Variants in TCOF1 observed in about 807,000 individuals in gnomAD.
TCOF1 encodes treacle protein.
TCOF1 carries 33 observed loss-of-function variants against 149.0 expected under a neutral mutation model. The ratio of observed to expected loss-of-function variants is 0.22; its 90% confidence interval spans 0.17 to 0.30. The LOEUF is 0.30. Among genes scored for constraint, TCOF1 ranks in the 10% least tolerant of loss-of-function variants. TCOF1 has a pLI of 1.00. For missense variants in TCOF1, 1,728 were observed against 1,840.7 expected (o/e 0.94, Z 1.12); for synonymous variants, 789 against 738.8 (o/e 1.07, Z -1.10).
chr5:150,379,441 A>G (rs779922931), intron 16 of TCOF1, 33 bp downstream of exon 16: 17 of 1,613,978 alleles, frequency 1.1e-5, no homozygotes, highest in Admixed American at 8.3e-5. Flanking sequence ...CATCCCCTAC[A>G]TGGGATGTAA....
Position 150,372,152 on chromosome 5 carries a change from G to A in TCOF1, c.786G>A (p.Arg262=), listed in dbSNP as rs1324538651. 9 of 1,614,192 alleles carry A rather than the reference G, an allele frequency of 5.6e-6. No homozygotes were observed. The highest frequency in any genetic ancestry group is 1.3e-5 in the African/African-American group (1 of 75,054). Residue 262 remains arginine (R), a synonymous_variant, in exon 7 of 27, where the codon AGG becomes AGA. Coordinates refer to ENST00000643257, the MANE Select transcript of TCOF1 (RefSeq NM_001371623.1). ...VKGGALPPAK[R]AKKPEEESES... ...GAGGGGCCCTGCCCCCAGCCAAGAG[G>A]GCCAAGAAGCCAGAAGAGGAGTCAG... is the stretch of plus-strand genomic sequence containing the variant.
Position 150,396,381 on chromosome 5 carries a change from A to C in TCOF1, c.3884A>C (p.Asn1295Thr). 1 of 1,614,022 alleles carries C rather than the reference A, an allele frequency of 6.2e-7. No homozygotes were observed. Among genetic ancestry groups the C allele is most frequent in the Non-Finnish European group, 8.5e-7 (1 of 1,180,040 alleles). The change falls in exon 24 of 27, where the codon AAC becomes ACC. Residue 1295 changes from asparagine to threonine, a missense_variant. Asn to Thr is a moderately conservative substitution (Grantham distance 65). Around this residue, in one of 2 missense-constraint regions of TCOF1, gnomAD observed 1,696 missense variants for 1,765.4 expected, o/e 0.96. Coordinates refer to ENST00000643257, the MANE Select transcript of TCOF1 (RefSeq NM_001371623.1). ...PQASTLALQS[N>T]ITQCLLGQPW... ...GCCTCAACCCTGGCGCTGCAAAGCA[A>C]CATCACCCAGTGCCTCCTGGGCCAA...
intron 26 of TCOF1, among the ~76,000 whole-genome samples, chr5:150,399,300 C>T (rs1363385577): frequency 2.6e-5 from 4 of 152,158 alleles, no homozygotes; most frequent in Admixed American, 6.5e-5. Flanking sequence ...ACCGAGTGCA[C>T]CTGGGTGCAG....
At chr5:150,361,075 T>G in intron 1 of TCOF1, 81 bp from the exon 2 acceptor site, 2 of 1,581,478 alleles carry the variant, frequency 1.3e-6, no homozygotes, top group Non-Finnish European at 1.7e-6. Flanking sequence ...ATACAAGTCA[T>G]GAGTTTGGGG....
intron 22 of TCOF1, 176 bp from the exon 23 acceptor site, chr5:150,393,196 C>A: frequency 1.4e-6 from 1 of 706,884 alleles, no homozygotes; most frequent in Non-Finnish European, 2.4e-6. Flanking sequence ...GTTCAGGAGG[C>A]ACACGCCAAG....
intron 18 of TCOF1, among the ~76,000 whole-genome samples, chr5:150,388,895 A>G (rs536238429): frequency 2.0e-5 from 3 of 152,296 alleles, no homozygotes; most frequent in South Asian, 4.1e-4. Context: ...GTGCCACAGC[A>G]CTCCAGCCTG....
chr5:150,392,469 A>C, intron 21 of TCOF1: 2 of 610,098 alleles, frequency 3.3e-6, no homozygotes, highest in South Asian at 4.0e-5. Flanking sequence ...GGGAAATAGA[A>C]ATGGGGCCTC....
chr5:150,368,295 T>C (rs1446364664), intron 4 of TCOF1: 3 of 350,912 alleles, frequency 8.5e-6, no homozygotes, highest in Non-Finnish European at 1.6e-5. Context: ...GTTCTGAAAC[T>C]CTAAAAGCAT....
At position 150,390,050 on chromosome 5, in the gene TCOF1, G is replaced by A. The variant is rs768461151; in HGVS notation, c.3183+27G>A. 9 of 1,585,448 alleles carry A rather than the reference G, an allele frequency of 5.7e-6. No individual in the cohort carries two copies. In the Admixed American group the frequency reaches 1.3e-4, roughly 22 times the overall value. ...TACCTGGTGGGCAAGGGAGGGTAAT[G>A]CAGGCCAGTGGGGTGGGGCCCTACT... On this transcript the variant is annotated intron_variant, in intron 19 of 26. Coordinates refer to ENST00000643257, the MANE Select transcript of TCOF1 (RefSeq NM_001371623.1).
At chr5:150,366,194 TAA>T (rs1223600184) in intron 3 of TCOF1, among the ~76,000 whole-genome samples, 1 of 145,344 alleles carries the variant, frequency 6.9e-6, no homozygotes, top group Non-Finnish European at 1.5e-5. Flanking sequence ...CTGCAAAAAA[TAA>T]GAAAATTAGC....
In TCOF1 at chr5:150,391,648, T is replaced by C; in HGVS notation, c.3288T>C (p.Pro1096=). The C allele has an allele frequency of 6.2e-7, 1 of 1,613,828 alleles. No homozygotes were observed. Among genetic ancestry groups the C allele is most frequent in the East Asian group, 2.2e-5 (1 of 44,872 alleles). ...EAQPPVARTQ[P]SSGVDSAVGT... is the part of the protein sequence containing the mutation. ...AGCCTCCTGTTGCCAGGACCCAGCC[T>C]TCAAGTGGGGTGAGCTTGGGGAGCC... The change falls in exon 20 of 27, where the codon CCT becomes CCC. Residue 1096 remains proline, a synonymous_variant. Transcript: ENST00000643257.
In TCOF1 at chr5:150,382,758, G is replaced by A. The variant is rs1765483581; in HGVS notation, c.2859+3026G>A. Among the ~76,000 whole-genome samples, 3 of 152,372 alleles carry A rather than the reference G, an allele frequency of 2.0e-5. No homozygotes were observed. In the South Asian group the frequency reaches 6.2e-4, roughly 32 times the overall value. ...TGTGCCTGCAACCTTGTCCCAGGCTGCTGTCACCTCTTGTCGAGACATTGG... is the reference window on the plus strand; with the variant it reads ...TGTGCCTGCAACCTTGTCCCAGGCTACTGTCACCTCTTGTCGAGACATTGG... On this transcript the variant is annotated intron_variant, in intron 17 of 26. Coordinates refer to ENST00000643257, the MANE Select transcript of TCOF1 (RefSeq NM_001371623.1).
Position 150,371,329 on chromosome 5 carries a change from G to C in TCOF1, c.640-677G>C, listed in dbSNP as rs112723133. Among the ~76,000 whole-genome samples the C allele has an allele frequency of 1.7e-4, 26 of 152,072 alleles. 1 individual carries two copies. The highest frequency in any genetic ancestry group is 1.3e-3 in the Admixed American group (20 of 15,280). On this transcript the variant is annotated intron_variant, in intron 6 of 26. Transcript: ENST00000643257. ...TACCACCAGCTGTAAGGACATCCCT[G>C]GCTTCTGTCACCCCAGGCCTTGCCA...
rs58246300 is a variant in TCOF1, at chr5:150,397,153, CAAAAAAAA to C, written c.4345+325_4345+332del. ...AGCCTGGGTGACAGAGCAAGACTGTCAAAAAAAAAAAAAAAAAAAAAGGCTGAGAAGTG... is the reference window on the plus strand; with the variant it reads ...AGCCTGGGTGACAGAGCAAGACTGTCAAAAAAAAAAAAAGGCTGAGAAGTG... On this transcript the variant is annotated intron_variant, in intron 24 of 26. Coordinates refer to ENST00000643257, the MANE Select transcript of TCOF1 (RefSeq NM_001371623.1). 6.5e-4 allele frequency among the ~76,000 whole-genome samples: 58 copies of C among 88,716 alleles called. 1 individual carries two copies. Among genetic ancestry groups the C allele is most frequent in the Non-Finnish European group, 8.8e-4 (42 of 47,516 alleles). 58.2% of individuals were successfully genotyped at this position (88,716 alleles called of 152,430 possible).
chr5:150,397,098 G>C (rs1768711802), intron 24 of TCOF1, among the ~76,000 whole-genome samples: 1 of 145,048 alleles, frequency 6.9e-6, no homozygotes. Context: ...GGCAGAGCTT[G>C]CAGTGAGCCG....
Position 150,383,435 on chromosome 5 carries a change from G to A in TCOF1, c.2859+3703G>A, listed in dbSNP as rs114416816. 0.02 allele frequency among the ~76,000 whole-genome samples: 3,013 copies of A among 152,332 alleles called. 96 individuals are homozygous for A. Among genetic ancestry groups the A allele is most frequent in the African/African-American group, 0.068 (2,845 of 41,576 alleles). ...TCCACCCAACAGCCCCATGGTCCTG[G>A]GCAGATGCCTTTTCCCCTGTGTGAG... On this transcript the variant is annotated intron_variant, in intron 17 of 26. Coordinates refer to ENST00000643257, the MANE Select transcript of TCOF1 (RefSeq NM_001371623.1).
chr5:150,384,465 C>T, intron 17 of TCOF1: 3 of 985,438 alleles, frequency 3.0e-6, no homozygotes, highest in Non-Finnish European at 3.6e-6. Flanking sequence ...CCTGGTGCTG[C>T]CCCGACACTC....
In TCOF1 at chr5:150,396,607, C is replaced by T. The variant is rs369788990; in HGVS notation, c.4110C>T (p.Ala1370=). 68 of 1,587,448 alleles carry T rather than the reference C, an allele frequency of 4.3e-5. No individual in the cohort carries two copies. Among genetic ancestry groups the T allele is most frequent in the Non-Finnish European group, 5.4e-5 (63 of 1,166,198 alleles). The change falls in exon 24 of 27, where the codon GCC becomes GCT. Residue 1370 remains alanine (A), a synonymous_variant. Coordinates refer to ENST00000643257, the MANE Select transcript of TCOF1 (RefSeq NM_001371623.1). The stretch of plus-strand genomic sequence containing the variant: ...GCAAGAAGAAGAAGAAGCTGGGGGC[C>T]GGGGAAGGTGGGGAGGCCTCTGTTT... ...PRSKKKKKLG[A]GEGGEASVSP...
rs771297846 is a variant in TCOF1, at chr5:150,379,595, A to G, written c.2722A>G (p.Arg908Gly). The G allele has an allele frequency of 1.2e-6, 2 of 1,614,100 alleles. No homozygotes were observed. Among genetic ancestry groups the G allele is most frequent in the Admixed American group, 1.7e-5 (1 of 60,022 alleles). ...AALAPAKESP[R>G]KGAAPTPPGK... ...CTTGGCTCCTGCCAAGGAGTCCCCC[A>G]GGAAAGGGGCTGCCCCAACACCTCC... Residue 908 changes from arginine to glycine, a missense_variant, in exon 17 of 27, where the codon AGG (arginine) becomes GGG (glycine). Arg to Gly is a moderately radical substitution (Grantham distance 125, BLOSUM62 -2). Coordinates refer to ENST00000643257, the MANE Select transcript of TCOF1 (RefSeq NM_001371623.1).
Sources: gnomAD v4.1 joint callset for allele counts (sites outside exome capture counted in the v4.1 genomes callset) on GRCh38, gnomAD v4.1.1 for gene constraint, gnomAD v4.1.1 regional missense constraint, MANE v1.5 for transcripts, NCBI Gene and HGNC (gene_info 2026-07-23, HGNC 2026-07-21) for gene names.